Variants in KIF11 observed in about 807,000 individuals in gnomAD.
The protein encoded by KIF11 is kinesin family member 11, also known as kinesin-like protein KIF11.
In KIF11, 9 loss-of-function variants were observed where a neutral mutation model predicts 121.0. The observed-to-expected ratio is 0.07, with a 90% CI of 0.04 to 0.13. The LOEUF is 0.13. Among genes scored for constraint, KIF11 ranks in the 10% least tolerant of loss-of-function variants. The probability of loss-of-function intolerance (pLI) is 1.00; values close to 1 mark genes in which losing one functional copy is unlikely to be tolerated. For missense variants in KIF11, 846 were observed against 1,217.5 expected (o/e 0.69, Z 4.54); for synonymous variants, 408 against 421.0 (o/e 0.97, Z 0.38).
At chr10:92,618,497 T>C (rs919023734) in intron 9 of KIF11, among the ~76,000 whole-genome samples, 1 of 151,566 alleles carries the variant, frequency 6.6e-6, no homozygotes, top group Non-Finnish European at 1.5e-5. Flanking sequence ...AATACAAAAA[T>C]TAGCTGAGCG....
intron 18 of KIF11, among the ~76,000 whole-genome samples, chr10:92,646,710 C>A (rs981542417): frequency 1.3e-5 from 2 of 152,108 alleles, no homozygotes; most frequent in African/African-American, 4.8e-5. Flanking sequence ...TAAAACATAT[C>A]AAATATATTA....
intron 18 of KIF11, 45 bp downstream of exon 18, chr10:92,645,687 C>G (rs762377566): frequency 3.6e-6 from 5 of 1,369,870 alleles, no homozygotes; most frequent in South Asian, 2.8e-5. Context: ...GAATAATAAT[C>G]AGAAAGTTAA....
chr10:92,624,228 C>CTTTT (rs201871020), intron 10 of KIF11, among the ~76,000 whole-genome samples: 154 of 99,654 alleles, frequency 1.5e-3, no homozygotes, highest in Non-Finnish European at 1.9e-3. Flanking sequence ...TGATCTCATT[C>CTTTT]TTTTTTTTTT....
intron 21 of KIF11, among the ~76,000 whole-genome samples, chr10:92,651,507 G>GTATTATTT (rs1554863366): frequency 1.9e-5 from 1 of 52,956 alleles, no homozygotes; most frequent in African/African-American, 5.2e-5. Flanking sequence ...GGCTAATTTT[G>GTATTATTT]TTTTTTTTTT....
Position 92,650,481 on chromosome 10 carries a change from G to T in KIF11, c.3003G>T (p.Val1001=). Residue 1001 remains valine (V), a synonymous_variant, in exon 21 of 22, where the codon GTG becomes GTT. Transcript: ENST00000260731. ...AAGAGCCATCTGTAGATGCTGGTGT[G>T]GATTGTTCATCAATTGGCGGGGTTC... The part of the protein sequence containing the change: ...LSQEPSVDAG[V]DCSSIGGVPF... 2 of 1,613,062 alleles carry T rather than the reference G, an allele frequency of 1.2e-6. No individual in the cohort carries two copies. Among genetic ancestry groups the T allele is most frequent in the Non-Finnish European group, 1.7e-6 (2 of 1,179,134 alleles).
chr10:92,606,820 C>G (rs1844435484), intron 3 of KIF11, 104 bp downstream of exon 3: 2 of 755,224 alleles, frequency 2.6e-6, no homozygotes, highest in African/African-American at 1.7e-5. Flanking sequence ...TCTTGTTGCC[C>G]AGGCTGGAGT....
chr10:92,596,984 A>G (rs1194008752), intron 1 of KIF11: 3 of 380,368 alleles, frequency 7.9e-6, no homozygotes, highest in South Asian at 7.3e-5. Context: ...GGCTGTAGAT[A>G]CCAATGCATG....
intron 21 of KIF11, among the ~76,000 whole-genome samples, chr10:92,651,961 CTTTTTTTTTTTT>C (rs36000362): frequency 9.8e-6 from 1 of 102,550 alleles, no homozygotes; most frequent in East Asian, 3.6e-4. Flanking sequence ...ATGCTTGTAC[CTTTTTTTTTTTT>C]TTTTTTTTTT....
chr10:92,611,768 G>A (rs1337860288), intron 6 of KIF11, among the ~76,000 whole-genome samples: 2 of 152,038 alleles, frequency 1.3e-5, no homozygotes, highest in Non-Finnish European at 2.9e-5. Context: ...GTGTGGTGGC[G>A]TGTGCCTGTA....
chr10:92,593,223 C>T lies in KIF11; in HGVS notation c.-153C>T, dbSNP rs1413122690. On this transcript the variant is annotated 5_prime_UTR_variant, in exon 1 of 22. Transcript: ENST00000260731. ...CACGGCCAGAGTACCGGGTAGAGAG[C>T]GGGGACGCCGACCTGCGTGCGTCGG... 9 of 665,372 alleles carry T rather than the reference C, an allele frequency of 1.4e-5. No homozygotes were observed. Among genetic ancestry groups the T allele is most frequent in the Admixed American group, 6.0e-5 (2 of 33,368 alleles). 41.2% of individuals were successfully genotyped at this position (665,372 alleles called of 1,614,324 possible). A position where few individuals can be genotyped will look rare whatever the true frequency, so the allele number is the denominator to read the frequency against.
intron 19 of KIF11, among the ~76,000 whole-genome samples, chr10:92,649,238 G>C (rs763662033): frequency 2.0e-5 from 3 of 152,048 alleles, no homozygotes; most frequent in Non-Finnish European, 4.4e-5. Flanking sequence ...AATGAAGTTA[G>C]GAATGTAAAT....
intron 14 of KIF11, 71 bp downstream of exon 14, chr10:92,633,866 T>A: frequency 1.0e-6 from 1 of 995,854 alleles, no homozygotes; most frequent in Non-Finnish European, 1.5e-6. Flanking sequence ...TTTTGAAGGG[T>A]TACATTTGAT....
rs181167122 is a variant in KIF11 at position 92,636,387 on chromosome 10, T to G, written c.1876-797T>G. ...ATCTCAGCACTTTGGGAGGCCAAGG[T>G]GGGTGGATCACTTGAGGTCAGGAGT... On this transcript the variant is annotated intron_variant, in intron 14 of 21. Coordinates refer to ENST00000260731, the MANE Select transcript of KIF11 (RefSeq NM_004523.4). Among the ~76,000 whole-genome samples, 58 of 151,646 alleles carry G rather than the reference T, an allele frequency of 3.8e-4. 1 individual carries two copies. In the East Asian group the frequency reaches 6.3e-3, roughly 16 times the overall value.
chr10:92,614,117 G>C (rs1372996936), intron 8 of KIF11, among the ~76,000 whole-genome samples: 1 of 122,488 alleles, frequency 8.2e-6, no homozygotes, highest in Non-Finnish European at 1.5e-5. Flanking sequence ...TTTTTTTTGA[G>C]ACAAATCCCA....
chr10:92,616,652 A>G, intron 8 of KIF11, 85 bp from the exon 9 acceptor site: 1 of 664,740 alleles, frequency 1.5e-6, no homozygotes, highest in Non-Finnish European at 2.6e-6. Flanking sequence ...TATTACTTGT[A>G]AGTTATTATA....
chr10:92,593,926 G>A (rs912193041), intron 1 of KIF11, among the ~76,000 whole-genome samples: 25 of 152,148 alleles, frequency 1.6e-4, no homozygotes, highest in African/African-American at 1.2e-4. Context: ...GTGAGTTTAT[G>A]TTTTTTAAAA....
chr10:92,651,515 T>G (rs1374031581), intron 21 of KIF11, among the ~76,000 whole-genome samples: 88 of 45,674 alleles, frequency 1.9e-3, no homozygotes, highest in Non-Finnish European at 2.6e-3. Flanking sequence ...TTGTTTTTTT[T>G]TTTTTTTTTT....
intron 8 of KIF11, among the ~76,000 whole-genome samples, chr10:92,616,433 C>CAA (rs1257298560): frequency 3.3e-5 from 5 of 151,802 alleles, no homozygotes; most frequent in Non-Finnish European, 7.4e-5. Context: ...TTCCTGGGCT[C>CAA]AAGTGACCCT....
chr10:92,605,064 T>A (rs753004863), intron 1 of KIF11, among the ~76,000 whole-genome samples: 34 of 150,300 alleles, frequency 2.3e-4, no homozygotes, highest in Admixed American at 4.0e-4. Flanking sequence ...GTATAAAGGG[T>A]GCTGTAGGAA....
Sources: gnomAD v4.1 joint callset for allele counts (sites outside exome capture counted in the v4.1 genomes callset) on GRCh38, gnomAD v4.1.1 for gene constraint, MANE v1.5 for transcripts, NCBI Gene and HGNC (gene_info 2026-07-23, HGNC 2026-07-21) for gene names.